RPAP2: variants seen among roughly 807,000 people sequenced by gnomAD.
The protein encoded by RPAP2 is putative RNA polymerase II subunit B1 CTD phosphatase RPAP2.
A neutral mutation model predicts 73.1 loss-of-function variants in RPAP2; 52 were observed. The observed-to-expected ratio is 0.71, with a 90% CI of 0.57 to 0.90. RPAP2 has a LOEUF of 0.90. RPAP2 is among the 40% of genes least tolerant of loss of function. The pLI is 0.00. For missense variants in RPAP2, 598 were observed against 701.8 expected, an observed-to-expected ratio of 0.85 and a Z score of 1.67; for synonymous variants, 225 against 242.1, an observed-to-expected ratio of 0.93 and a Z score of 0.65.
At chr1:92,344,918 A>T (rs1480026315) in intron 10 of RPAP2, among the ~76,000 whole-genome samples, 1 of 152,066 alleles carries the variant, frequency 6.6e-6, no homozygotes, top group Non-Finnish European at 1.5e-5. Context: ...ATTGGCTGAT[A>T]TTTTCTTATT....
intron 12 of RPAP2, among the ~76,000 whole-genome samples, chr1:92,382,743 T>C (rs1455512134): frequency 6.6e-6 from 1 of 152,222 alleles, no homozygotes; most frequent in East Asian, 1.9e-4. Context: ...GATGGTAGTT[T>C]CTTTGCTGTG....
intron 5 of RPAP2, among the ~76,000 whole-genome samples, chr1:92,306,838 A>G (rs1651272897): frequency 1.3e-5 from 2 of 152,232 alleles, no homozygotes; most frequent in Non-Finnish European, 2.9e-5. Context: ...GAAGTAAGAT[A>G]AGAATGTATA....
At position 92,399,639 on chromosome 1, in the gene RPAP2, CAATT is replaced by C. The variant is rs1389037583; in HGVS notation, c.*12629_*12632del. On this transcript the variant is annotated 3_prime_UTR_variant, in exon 13 of 13. Transcript: ENST00000610020. Reference sequence around the variant, plus strand: ...TAAGTTATAAGACTTTTCAGAGAAACAATTTAGTAATATCTTCTGTAATACCCAT... The same window carrying C: ...TAAGTTATAAGACTTTTCAGAGAAACTAGTAATATCTTCTGTAATACCCAT... 1 of 152,118 alleles carries C rather than the reference CAATT, an allele frequency of 6.6e-6. No homozygotes were observed. The highest frequency in any genetic ancestry group is 1.5e-5 in the Non-Finnish European group (1 of 68,022). 9.4% of individuals were successfully genotyped at this position (152,118 alleles called of 1,614,324 possible).
chr1:92,385,977 T>C (rs556533645), intron 12 of RPAP2, among the ~76,000 whole-genome samples: 1 of 152,278 alleles, frequency 6.6e-6, no homozygotes, highest in African/African-American at 2.4e-5. Flanking sequence ...GCACTCCTCA[T>C]AGACTATTGA....
Position 92,324,854 on chromosome 1 carries a change from T to C in RPAP2, c.1455+479T>C, listed in dbSNP as rs141133422. Among the ~76,000 whole-genome samples, 12 of 152,304 alleles carry C rather than the reference T, an allele frequency of 7.9e-5. No individual in the cohort carries two copies. The East Asian group carries it at 1.3e-3, about 17-fold the overall frequency. On this transcript the variant is annotated intron_variant, in intron 8 of 12. Coordinates refer to ENST00000610020, the MANE Select transcript of RPAP2 (RefSeq NM_024813.3). ...CAAAATAGTTTGTAAAAGAGACTTA[T>C]TGGGAAATAATGGACAAAGAGAATG...
chr1:92,333,314 A>T, intron 8 of RPAP2, 77 bp from the exon 9 acceptor site: 1 of 1,151,798 alleles, frequency 8.7e-7, no homozygotes, highest in Non-Finnish European at 1.3e-6. Context: ...TTGTGTTTTA[A>T]TGTTTATTGT....
intron 10 of RPAP2, among the ~76,000 whole-genome samples, chr1:92,344,824 T>C (rs1306619416): frequency 2.6e-5 from 4 of 152,198 alleles, no homozygotes; most frequent in South Asian, 2.1e-4. Context: ...AAATTATTAG[T>C]GAGATTGAGC....
chr1:92,359,993 A>C (rs1203232432), intron 11 of RPAP2, among the ~76,000 whole-genome samples: 1 of 37,456 alleles, frequency 2.7e-5, no homozygotes, highest in Non-Finnish European at 4.2e-5. Flanking sequence ...CTCACAATTC[A>C]GTCTGGTAAT....
intron 11 of RPAP2, among the ~76,000 whole-genome samples, chr1:92,376,313 C>T (rs1409100862): frequency 2.0e-5 from 3 of 151,976 alleles, no homozygotes; most frequent in East Asian, 1.9e-4. Flanking sequence ...TTATATAGAT[C>T]TATAATCATT....
intron 11 of RPAP2, among the ~76,000 whole-genome samples, chr1:92,375,043 T>G (rs2101434138): frequency 6.6e-6 from 1 of 152,312 alleles, no homozygotes; most frequent in East Asian, 1.9e-4. Context: ...TAAAGCATGT[T>G]AAATGAATCT....
intron 7 of RPAP2, among the ~76,000 whole-genome samples, chr1:92,321,469 T>G (rs530887042): frequency 6.6e-6 from 1 of 151,860 alleles, no homozygotes; most frequent in Non-Finnish European, 1.5e-5. Flanking sequence ...CTTTTATATA[T>G]ATATATATTT....
At chr1:92,339,821 T>C (rs1451848108) in intron 10 of RPAP2, among the ~76,000 whole-genome samples, 4 of 152,184 alleles carry the variant, frequency 2.6e-5, no homozygotes, top group African/African-American at 9.6e-5. Context: ...TAAACTATTA[T>C]GACTTTTTTC....
Position 92,341,136 on chromosome 1 carries a change from G to A in RPAP2, c.1619+4709G>A, listed in dbSNP as rs191157787. On this transcript the variant is annotated intron_variant, in intron 10 of 12. Coordinates refer to ENST00000610020, the MANE Select transcript of RPAP2 (RefSeq NM_024813.3). ...CAATCCTCCCACCTTAGCCTCCTGA[G>A]TAGCTGGGACTACAGACACACACCA... Among the ~76,000 whole-genome samples the A allele has an allele frequency of 2.1e-3, 316 of 152,136 alleles. 3 individuals are homozygous for A. Among genetic ancestry groups the A allele is most frequent in the Middle Eastern group, 6.8e-3 (2 of 294 alleles).
chr1:92,369,680 G>T (rs1008967827), intron 11 of RPAP2, among the ~76,000 whole-genome samples: 5 of 151,936 alleles, frequency 3.3e-5, no homozygotes, highest in African/African-American at 1.2e-4. Context: ...TGTGTATTGG[G>T]GTAGGAGTTG....
At chr1:92,322,004 G>A (rs1652299360) in intron 7 of RPAP2, among the ~76,000 whole-genome samples, 1 of 144,398 alleles carries the variant, frequency 6.9e-6, no homozygotes, top group Admixed American at 6.9e-5. Flanking sequence ...AGAATGCAGT[G>A]GCGCGATCTC....
chr1:92,321,185 G>T (rs11589858), intron 7 of RPAP2, among the ~76,000 whole-genome samples: 42,549 of 152,052 alleles, frequency 0.28, 6,884 homozygotes, highest in Non-Finnish European at 0.35. Context: ...ATGGCGTTGA[G>T]CACAAATAAG....
intron 12 of RPAP2, among the ~76,000 whole-genome samples, chr1:92,382,746 T>G (rs1254116113): frequency 6.6e-6 from 1 of 152,238 alleles, no homozygotes; most frequent in Non-Finnish European, 1.5e-5. Context: ...GGTAGTTTCT[T>G]TGCTGTGCAG....
At position 92,336,260 on chromosome 1, in the gene RPAP2, G is replaced by A; in HGVS notation, c.1539-87G>A. 5 of 811,438 alleles carry A rather than the reference G, an allele frequency of 6.2e-6. No homozygotes were observed. In the South Asian group the frequency reaches 7.7e-5, roughly 13 times the overall value. The allele number at this position is 811,438 out of a possible 1,614,324, so 50.3% of individuals were successfully genotyped here. A position where few individuals can be genotyped will look rare whatever the true frequency, so the allele number is the denominator to read the frequency against. On this transcript the variant is annotated intron_variant, in intron 9 of 12. Coordinates refer to ENST00000610020, the MANE Select transcript of RPAP2 (RefSeq NM_024813.3). ...TGCTTCCATCTAAATGCCATTATTAGCTATGGAAAATTCAGATCTAGGCAT... is the reference window on the plus strand; with the variant it reads ...TGCTTCCATCTAAATGCCATTATTAACTATGGAAAATTCAGATCTAGGCAT...
At position 92,388,505 on chromosome 1, in the gene RPAP2, A is replaced by C. The variant is rs1156451964; in HGVS notation, c.*1494A>C. 6.6e-6 allele frequency: 1 copy of C among 152,340 alleles called. No individual in the cohort carries two copies. Among genetic ancestry groups the C allele is most frequent in the Non-Finnish European group, 1.5e-5 (1 of 68,122 alleles). The allele number at this position is 152,340 out of a possible 1,614,324, so 9.4% of individuals were successfully genotyped here. A position where few individuals can be genotyped will look rare whatever the true frequency, so the allele number is the denominator to read the frequency against. On this transcript the variant is annotated 3_prime_UTR_variant, in exon 13 of 13. Transcript: ENST00000610020. ...TCAACTAAAGTACCTGGTTCGTCTC[A>C]CTGGGACTGGCTGGACAGTGGGTGT...
Sources: allele counts gnomAD v4.1 joint callset (sites outside exome capture counted in the v4.1 genomes callset), GRCh38; gene constraint gnomAD v4.1.1; transcripts MANE v1.5; gene names NCBI Gene and HGNC (gene_info 2026-07-23, HGNC 2026-07-21).